Variants in FHIT observed in about 807,000 individuals in gnomAD.
FHIT encodes the protein bis(5'-adenosyl)-triphosphatase.
A neutral mutation model predicts 17.9 loss-of-function variants in FHIT; 19 were observed. The ratio of observed to expected loss-of-function variants is 1.06; its 90% CI spans 0.74 to 1.56. FHIT has a LOEUF of 1.56. Among genes scored for constraint, FHIT ranks in the 40% most tolerant of loss-of-function variants. The pLI is 0.00. For synonymous variants in FHIT, 81 were observed against 69.7 expected (o/e 1.16, Z -0.81); for missense variants, 248 against 189.2 (o/e 1.31, Z -1.82).
At chr3:60,528,272 A>C (rs988619364) in intron 5 of FHIT, among the ~76,000 whole-genome samples, 1 of 152,218 alleles carries the variant, frequency 6.6e-6, no homozygotes, top group African/African-American at 2.4e-5. Context: ...TGCCTGTGTG[A>C]AACAAAATAT....
At chr3:60,206,657 G>C (rs989067920) in intron 5 of FHIT, among the ~76,000 whole-genome samples, 1 of 152,140 alleles carries the variant, frequency 6.6e-6, no homozygotes, top group Admixed American at 6.5e-5. Context: ...ATTATTTAAA[G>C]AATGCAAAAG....
At chr3:60,057,430 A>T (rs1183735068) in intron 5 of FHIT, among the ~76,000 whole-genome samples, 2 of 152,196 alleles carry the variant, frequency 1.3e-5, no homozygotes, top group Non-Finnish European at 2.9e-5. Flanking sequence ...CTGGATAAAT[A>T]TGTGGTAGGT....
At chr3:61,101,808 TCA>T (rs1410533716) in intron 2 of FHIT, among the ~76,000 whole-genome samples, 6 of 152,334 alleles carry the variant, frequency 3.9e-5, no homozygotes, top group African/African-American at 1.2e-4. Context: ...TTTATTCTCT[TCA>T]TAGCAATTGT....
intron 1 of FHIT, among the ~76,000 whole-genome samples, chr3:61,211,591 A>C (rs1464705604): frequency 6.6e-6 from 1 of 152,178 alleles, no homozygotes; most frequent in East Asian, 1.9e-4. Context: ...CAGACAAACA[A>C]AAAGACAGCA....
At chr3:60,740,368 A>G (rs577754822) in intron 4 of FHIT, among the ~76,000 whole-genome samples, 6 of 152,304 alleles carry the variant, frequency 3.9e-5, no homozygotes, top group African/African-American at 1.4e-4. Flanking sequence ...CTCTATGAAA[A>G]GGAGATAATC....
At position 60,574,945 on chromosome 3, in the gene FHIT, T is replaced by C. The variant is rs561899804; in HGVS notation, c.-17-37966A>G. ...CTTATTTATATGCTTGTCTCTCCAG[T>C]TGACTCTGAGCTTCTTGAGGTTGGG... On this transcript the variant is annotated intron_variant, in intron 4 of 9. Coordinates refer to ENST00000492590, the MANE Select transcript of FHIT (RefSeq NM_002012.4). Among the ~76,000 whole-genome samples, 75 of 151,336 alleles carry C rather than the reference T, an allele frequency of 5.0e-4. No individual in the cohort carries two copies. In the Middle Eastern group the frequency reaches 0.017, roughly 34 times the overall value.
intron 7 of FHIT, among the ~76,000 whole-genome samples, chr3:60,009,733 T>G (rs1407363855): frequency 6.6e-6 from 1 of 152,212 alleles, no homozygotes; most frequent in East Asian, 1.9e-4. Flanking sequence ...CCATCACCAC[T>G]AAGTCCACAA....
intron 5 of FHIT, among the ~76,000 whole-genome samples, chr3:60,097,799 G>A (rs903665341): frequency 6.7e-6 from 1 of 149,066 alleles, no homozygotes; most frequent in African/African-American, 2.5e-5. Flanking sequence ...GTGCCATGTT[G>A]GTGTGCTGCA....
chr3:60,284,982 G>C (rs1167941843), intron 5 of FHIT, among the ~76,000 whole-genome samples: 3 of 152,076 alleles, frequency 2.0e-5, no homozygotes, highest in African/African-American at 2.4e-5. Flanking sequence ...TTTTTGTCTA[G>C]TACGAAAGAA....
At chr3:60,559,947 T>C (rs143445766) in intron 4 of FHIT, among the ~76,000 whole-genome samples, 128 of 152,276 alleles carry the variant, frequency 8.4e-4, no homozygotes, top group African/African-American at 2.9e-3. Flanking sequence ...TTTCCTGGCA[T>C]GCCAGGCTGT....
At chr3:60,520,740 C>G (rs539756528) in intron 5 of FHIT, among the ~76,000 whole-genome samples, 5 of 152,054 alleles carry the variant, frequency 3.3e-5, no homozygotes, top group Admixed American at 6.6e-5. Flanking sequence ...GAGCGAGACA[C>G]TTAGAGTAAC....
intron 5 of FHIT, among the ~76,000 whole-genome samples, chr3:60,146,507 A>G (rs898306356): frequency 6.6e-6 from 1 of 152,130 alleles, no homozygotes; most frequent in African/African-American, 2.4e-5. Flanking sequence ...ACTGCAGAGG[A>G]ATGTTCTCAG....
chr3:60,421,109 T>C, intron 5 of FHIT, among the ~76,000 whole-genome samples: 1 of 152,062 alleles, frequency 6.6e-6, no homozygotes, highest in Non-Finnish European at 1.5e-5. Context: ...AAAAACTGCT[T>C]TTCTTCATTG....
chr3:60,238,464 A>AAC (rs397989822), intron 5 of FHIT, among the ~76,000 whole-genome samples: 1 of 150,562 alleles, frequency 6.6e-6, no homozygotes, highest in Non-Finnish European at 1.5e-5. Flanking sequence ...AAAAAAAAAA[A>AAC]GTCACAGCAC....
intron 5 of FHIT, among the ~76,000 whole-genome samples, chr3:60,155,337 C>A (rs1700635809): frequency 6.6e-6 from 1 of 152,134 alleles, no homozygotes; most frequent in Non-Finnish European, 1.5e-5. Flanking sequence ...CAGGTTCAAG[C>A]CAGCAACAGA....
At chr3:60,583,710 T>A (rs974399599) in intron 4 of FHIT, among the ~76,000 whole-genome samples, 1 of 152,056 alleles carries the variant, frequency 6.6e-6, no homozygotes, top group East Asian at 1.9e-4. Flanking sequence ...AATTTGCCAA[T>A]CCCCGTCCTG....
rs575252828 is a variant in FHIT, at chr3:60,426,543, C to T, written c.103+110317G>A. On this transcript the variant is annotated intron_variant, in intron 5 of 9. Coordinates refer to ENST00000492590, the MANE Select transcript of FHIT (RefSeq NM_002012.4). Reference sequence around the variant, plus strand: ...ATATGCATCTATTTATCACTGCTCACATTCATTCATTCCCTTATAGCTCAA... The same window carrying T: ...ATATGCATCTATTTATCACTGCTCATATTCATTCATTCCCTTATAGCTCAA... 1.0e-3 allele frequency among the ~76,000 whole-genome samples: 157 copies of T among 152,222 alleles called. 1 individual carries two copies. The highest frequency in any genetic ancestry group is 3.6e-3 in the African/African-American group (151 of 41,550).
Position 60,457,238 on chromosome 3 carries a change from G to C in FHIT, c.103+79622C>G, listed in dbSNP as rs189676912. ...GTACTGGTACCAAAACAGAGATATA[G>C]ACCAATGGAACAGAACAGAGCCCTC... On this transcript the variant is annotated intron_variant, in intron 5 of 9. Transcript: ENST00000492590. Among the ~76,000 whole-genome samples, 1,235 of 152,000 alleles carry C rather than the reference G, an allele frequency of 8.1e-3. 21 individuals are homozygous for C. Among genetic ancestry groups the C allele is most frequent in the African/African-American group, 0.028 (1,158 of 41,450 alleles).
chr3:59,782,535 C>T (rs1702638845), intron 8 of FHIT, among the ~76,000 whole-genome samples: 1 of 152,134 alleles, frequency 6.6e-6, no homozygotes, highest in African/African-American at 2.4e-5. Context: ...ACCTCAGCCC[C>T]GCTCTCTCAG....
Sources: allele counts gnomAD v4.1 joint callset (sites outside exome capture counted in the v4.1 genomes callset), GRCh38; gene constraint gnomAD v4.1.1; transcripts MANE v1.5; gene names NCBI Gene and HGNC (gene_info 2026-07-23, HGNC 2026-07-21).